OR10A2: variants seen among roughly 807,000 people sequenced by gnomAD.
OR10A2 encodes olfactory receptor 10A2.
Under a neutral mutation model 13.7 loss-of-function variants are expected in OR10A2, and 15 were observed. That is an observed-to-expected ratio of 1.10 (90% CI 0.73 to 1.69). OR10A2 has a LOEUF of 1.69. Ranked by LOEUF, OR10A2 falls within the 40% of genes most tolerant of loss-of-function variation. The pLI is 0.00. For missense variants in OR10A2, 343 were observed against 361.1 expected, an observed-to-expected ratio of 0.95 and a Z score of 0.41; for synonymous variants, 145 against 144.7, an observed-to-expected ratio of 1.00 and a Z score of -0.02.
At position 6,873,340 on chromosome 11, in the gene OR10A2, T is replaced by A. The variant is rs1848455096; in HGVS notation, c.*2674T>A. 6.6e-6 allele frequency: 1 copy of A among 152,214 alleles called. No homozygotes were observed. Among genetic ancestry groups the A allele is most frequent in the Non-Finnish European group, 1.5e-5 (1 of 68,046 alleles). 9.4% of individuals were successfully genotyped at this position (152,214 alleles called of 1,614,324 possible). On this transcript the variant is annotated 3_prime_UTR_variant, in exon 2 of 2. Transcript: ENST00000641461. ...GCTGGAGGTTGCCACAGTAGATATT[T>A]AAAATATACAACAACAGTAGAATGA...
chr11:6,870,313 A>G lies in OR10A2; in HGVS notation c.559A>G (p.Ile187Val). The change falls in exon 2 of 2, where the codon ATC (isoleucine) becomes GTC (valine). Residue 187 changes from isoleucine to valine, a missense_variant. Ile to Val is a conservative substitution (Grantham distance 29). Transcript: ENST00000641461. Reference sequence around the variant, plus strand: ...CACAGCACTCTTTGAGATCTACGCCATCGTCGGAACCATTCTGGTGGTCAT... The same window carrying G: ...CACAGCACTCTTTGAGATCTACGCCGTCGTCGGAACCATTCTGGTGGTCAT... ...ADTALFEIYA[I>V]VGTILVVMIP... 7 of 1,614,152 alleles carry G rather than the reference A, an allele frequency of 4.3e-6. No individual in the cohort carries two copies. In the Admixed American group the frequency reaches 8.3e-5, roughly 19 times the overall value.
intron 1 of OR10A2, among the ~76,000 whole-genome samples, chr11:6,869,203 C>A (rs1358784093): frequency 1.3e-5 from 2 of 152,148 alleles, no homozygotes; most frequent in African/African-American, 4.8e-5. Context: ...ACATGCTAAC[C>A]TTTCACCCTC....
rs1385861753 is a variant in OR10A2 at position 6,873,562 on chromosome 11, A to G, written c.*2896A>G. 6.6e-6 allele frequency: 1 copy of G among 152,230 alleles called. No homozygotes were observed. Among genetic ancestry groups the G allele is most frequent in the Non-Finnish European group, 1.5e-5 (1 of 68,038 alleles). The allele number at this position is 152,230 out of a possible 1,614,324, so 9.4% of individuals were successfully genotyped here. On this transcript the variant is annotated 3_prime_UTR_variant, in exon 2 of 2. Transcript: ENST00000641461. ...AGAGTGCCACATGCACAAACACAGG[A>G]GTGCTGAGAGACTATGATGTGTGTA...
At chr11:6,868,803 A>G (rs1265654812) in intron 1 of OR10A2, among the ~76,000 whole-genome samples, 2 of 152,192 alleles carry the variant, frequency 1.3e-5, no homozygotes, top group Non-Finnish European at 2.9e-5. Flanking sequence ...GATTACGAAT[A>G]CAATAAGAAG....
intron 1 of OR10A2, among the ~76,000 whole-genome samples, chr11:6,865,347 T>C (rs1229806415): frequency 1.3e-5 from 2 of 151,782 alleles, no homozygotes; most frequent in Non-Finnish European, 2.9e-5. Context: ...GCAGGCTGTG[T>C]TATTTTTCAT....
At position 6,870,211 on chromosome 11, in the gene OR10A2, T is replaced by C; in HGVS notation, c.457T>C (p.Phe153Leu). The C allele has an allele frequency of 6.2e-7, 1 of 1,614,172 alleles. No individual in the cohort carries two copies. Among genetic ancestry groups the C allele is most frequent in the East Asian group, 2.2e-5 (1 of 44,864 alleles). ...ATVQTTWLFS[F>L]PFCGTNKVNH... ...TGTGCAGACCACATGGCTCTTCAGT[T>C]TTCCATTCTGTGGCACCAACAAGGT... The change falls in exon 2 of 2, where the codon TTT becomes CTT. Residue 153 changes from phenylalanine (F) to leucine (L), a missense_variant. Transcript: ENST00000641461.
chr11:6,870,328 C>A lies in OR10A2; in HGVS notation c.574C>A (p.Leu192Met). The change falls in exon 2 of 2, where the codon CTG becomes ATG. Residue 192 changes from leucine to methionine, a missense_variant. Transcript: ENST00000641461. ...GATCTACGCCATCGTCGGAACCATT[C>A]TGGTGGTCATGATCCCCTGCTTGCT... ...FEIYAIVGTILVVMIPCLLIL... is the reference protein window; with the variant it reads ...FEIYAIVGTIMVVMIPCLLIL... 6.2e-7 allele frequency: 1 copy of A among 1,614,172 alleles called. No homozygotes were observed. The highest frequency in any genetic ancestry group is 1.3e-5 in the African/African-American group (1 of 75,042).
rs372792697 is a variant in OR10A2, at chr11:6,873,785, C to T, written c.*3119C>T. Reference sequence around the variant, plus strand: ...CTGGTTAAGACAGCAACTGGTAAGACAGTTGCTGATAAGACAGATCACATA... The same window carrying T: ...CTGGTTAAGACAGCAACTGGTAAGATAGTTGCTGATAAGACAGATCACATA... On this transcript the variant is annotated 3_prime_UTR_variant, in exon 2 of 2. Transcript: ENST00000641461. The T allele has an allele frequency of 2.1e-5, 2 of 96,754 alleles. No individual in the cohort carries two copies. The highest frequency in any genetic ancestry group is 5.2e-4 in the East Asian group (2 of 3,830). The allele number at this position is 96,754 out of a possible 1,614,324, so 6.0% of individuals were successfully genotyped here.
intron 1 of OR10A2, among the ~76,000 whole-genome samples, chr11:6,863,973 CT>C (rs1435788706): frequency 2.6e-5 from 4 of 152,084 alleles, no homozygotes; most frequent in Non-Finnish European, 1.5e-5. Context: ...TTTTTCCTTT[CT>C]TTTTTGCTTA....
Position 6,873,344 on chromosome 11 carries a change from A to C in OR10A2, c.*2678A>C, listed in dbSNP as rs981458467. On this transcript the variant is annotated 3_prime_UTR_variant, in exon 2 of 2. Transcript: ENST00000641461. ...GAGGTTGCCACAGTAGATATTTAAA[A>C]TATACAACAACAGTAGAATGAAAAT... 6.6e-6 allele frequency: 1 copy of C among 152,258 alleles called. No individual in the cohort carries two copies. Among genetic ancestry groups the C allele is most frequent in the African/African-American group, 2.4e-5 (1 of 41,466 alleles). The allele number at this position is 152,258 out of a possible 1,614,324, so 9.4% of individuals were successfully genotyped here.
intron 1 of OR10A2, 41 bp downstream of exon 1, chr11:6,863,392 G>T (rs1422747824): frequency 8.7e-6 from 1 of 115,076 alleles, no homozygotes; most frequent in African/African-American, 3.7e-5. Context: ...TTTCCACCAA[G>T]GACTGAATCT....
intron 1 of OR10A2, among the ~76,000 whole-genome samples, chr11:6,869,005 T>C (rs1848401982): frequency 6.6e-6 from 1 of 152,244 alleles, no homozygotes; most frequent in South Asian, 2.1e-4. Context: ...AGTCATCAGA[T>C]AAGGCATGAC....
intron 1 of OR10A2, among the ~76,000 whole-genome samples, chr11:6,867,544 GAGTA>G (rs113656587): frequency 7.2e-5 from 11 of 152,130 alleles, no homozygotes; most frequent in African/African-American, 2.6e-4. Context: ...GCTTTGTTGA[GAGTA>G]AGTAATAAAG....
rs1033731955 is a variant in OR10A2, at chr11:6,870,738, T to C, written c.*72T>C. ...CCCAGATTTGAGATTCCTCTCTGCA[T>C]CTTTCCACATCTCCAATAAGATGAA... On this transcript the variant is annotated 3_prime_UTR_variant, in exon 2 of 2. Coordinates refer to ENST00000641461, the MANE Select transcript of OR10A2 (RefSeq NM_001004460.2). The C allele has an allele frequency of 8.5e-7, 1 of 1,181,284 alleles. No homozygotes were observed. Among genetic ancestry groups the C allele is most frequent in the African/African-American group, 1.5e-5 (1 of 65,356 alleles). The allele number at this position is 1,181,284 out of a possible 1,614,324, so 73.2% of individuals were successfully genotyped here.
Position 6,870,816 on chromosome 11 carries a change from G to A in OR10A2, c.*150G>A. 2 of 629,330 alleles carry A rather than the reference G, an allele frequency of 3.2e-6. No individual in the cohort carries two copies. Among genetic ancestry groups the A allele is most frequent in the Non-Finnish European group, 5.4e-6 (2 of 371,852 alleles). The allele number at this position is 629,330 out of a possible 1,614,324, so 39.0% of individuals were successfully genotyped here. A position where few individuals can be genotyped will look rare whatever the true frequency, so the allele number is the denominator to read the frequency against. ...AGCTGAGTGGAGAGAAAGGAGCAGAGAAGTAGTTTCGACCTAGCACCACCA... is the reference window on the plus strand; with the variant it reads ...AGCTGAGTGGAGAGAAAGGAGCAGAAAAGTAGTTTCGACCTAGCACCACCA... On this transcript the variant is annotated 3_prime_UTR_variant, in exon 2 of 2. Transcript: ENST00000641461.
chr11:6,866,740 T>G (rs1848381760), intron 1 of OR10A2, among the ~76,000 whole-genome samples: 1 of 152,142 alleles, frequency 6.6e-6, no homozygotes, highest in African/African-American at 2.4e-5. Context: ...TCCAGTTTGG[T>G]TACTTATCAG....
At chr11:6,868,029 C>T (rs900650842) in intron 1 of OR10A2, among the ~76,000 whole-genome samples, 6 of 152,196 alleles carry the variant, frequency 3.9e-5, no homozygotes, top group African/African-American at 1.4e-4. Flanking sequence ...GGATTACAGG[C>T]ATCAGCCACC....
intron 1 of OR10A2, among the ~76,000 whole-genome samples, chr11:6,865,648 G>C (rs1848373950): frequency 6.6e-6 from 1 of 152,008 alleles, no homozygotes; most frequent in African/African-American, 2.4e-5. Context: ...AAATTAAGAA[G>C]ATAATTGTCT....
chr11:6,869,393 C>G (rs540852268), intron 1 of OR10A2, among the ~76,000 whole-genome samples: 1 of 152,290 alleles, frequency 6.6e-6, no homozygotes, highest in African/African-American at 2.4e-5. Flanking sequence ...AGAAACATCA[C>G]TTTCTCCCAA....
Sources: allele counts gnomAD v4.1 joint callset (sites outside exome capture counted in the v4.1 genomes callset), GRCh38; gene constraint gnomAD v4.1.1; transcripts MANE v1.5; gene names NCBI Gene and HGNC (gene_info 2026-07-23, HGNC 2026-07-21).